DACH1: variants seen among roughly 807,000 people sequenced by gnomAD.
DACH1 encodes the protein dachshund family transcription factor 1.
DACH1 carries 12 observed loss-of-function variants against 54.2 expected under a neutral mutation model. The ratio of observed to expected loss-of-function variants is 0.22; its 90% CI spans 0.14 to 0.36. DACH1 has a LOEUF of 0.36. Ranked by LOEUF, DACH1 falls within the 10% of genes least tolerant of loss-of-function variation. The probability of loss-of-function intolerance (pLI) is 1.00; values close to 1 mark genes in which losing one functional copy is unlikely to be tolerated. For missense variants in DACH1, 805 were observed against 929.8 expected, an observed-to-expected ratio of 0.87 and a Z score of 1.75; for synonymous variants, 386 against 366.2, an observed-to-expected ratio of 1.05 and a Z score of -0.62.
intron 10 of DACH1, among the ~76,000 whole-genome samples, chr13:71,447,799 C>T (rs1285883622): frequency 1.3e-5 from 2 of 150,094 alleles, no homozygotes; most frequent in African/African-American, 4.9e-5. Flanking sequence ...CGCCACCACA[C>T]TCCAGCCTGG....
At chr13:71,844,021 A>T (rs1456389838) in intron 1 of DACH1, among the ~76,000 whole-genome samples, 1 of 152,196 alleles carries the variant, frequency 6.6e-6, no homozygotes, top group Non-Finnish European at 1.5e-5. Context: ...TTAAGACAGA[A>T]GTCTCTAGGG....
chr13:71,623,322 T>A (rs1876384504), intron 3 of DACH1, among the ~76,000 whole-genome samples: 1 of 151,672 alleles, frequency 6.6e-6, no homozygotes, highest in Admixed American at 6.6e-5. Flanking sequence ...CAGTTATTAA[T>A]ATACTCATAT....
intron 1 of DACH1, among the ~76,000 whole-genome samples, chr13:71,697,955 A>G (rs1473955933): frequency 6.6e-6 from 1 of 152,254 alleles, no homozygotes; most frequent in Non-Finnish European, 1.5e-5. Context: ...ATACTTTATA[A>G]GAATGACATT....
intron 3 of DACH1, among the ~76,000 whole-genome samples, chr13:71,592,110 C>G (rs193274693): frequency 2.0e-5 from 3 of 152,140 alleles, no homozygotes; most frequent in South Asian, 2.1e-4. Flanking sequence ...TAGCAACAAT[C>G]AAAGAGAAGG....
intron 10 of DACH1, among the ~76,000 whole-genome samples, chr13:71,473,116 A>C (rs1174024209): frequency 6.6e-6 from 1 of 152,208 alleles, no homozygotes; most frequent in Non-Finnish European, 1.5e-5. Flanking sequence ...AATTTGGGAA[A>C]AGTCATATTA....
chr13:71,504,644 T>G (rs901701974), intron 6 of DACH1, among the ~76,000 whole-genome samples: 4 of 152,152 alleles, frequency 2.6e-5, no homozygotes, highest in Non-Finnish European at 4.4e-5. Context: ...CTCAGAATGT[T>G]CAGGAGAAGG....
chr13:71,556,944 T>C, intron 6 of DACH1, 80 bp downstream of exon 6: 5 of 1,377,878 alleles, frequency 3.6e-6, no homozygotes, highest in Non-Finnish European at 4.9e-6. Flanking sequence ...GATGTAGAGA[T>C]AGACTTCATT....
intron 10 of DACH1, among the ~76,000 whole-genome samples, chr13:71,470,330 A>C (rs1161417247): frequency 1.4e-5 from 2 of 147,018 alleles, no homozygotes; most frequent in African/African-American, 2.5e-5. Flanking sequence ...TTTTTTTGAG[A>C]CAGAGTCTCG....
intron 1 of DACH1, among the ~76,000 whole-genome samples, chr13:71,693,363 T>C (rs1001050448): frequency 7.0e-6 from 1 of 142,274 alleles, no homozygotes; most frequent in Admixed American, 7.3e-5. Context: ...AGTGCAGTGG[T>C]GTGATCTCGG....
At chr13:71,610,414 T>C (rs1327970522) in intron 3 of DACH1, among the ~76,000 whole-genome samples, 3 of 152,140 alleles carry the variant, frequency 2.0e-5, no homozygotes, top group Non-Finnish European at 4.4e-5. Context: ...AGCAAAGAAG[T>C]GGGAAAATCT....
intron 1 of DACH1, among the ~76,000 whole-genome samples, chr13:71,692,356 C>A (rs1339335381): frequency 6.6e-6 from 1 of 151,920 alleles, no homozygotes; most frequent in Non-Finnish European, 1.5e-5. Context: ...TCTTCTCTGT[C>A]TGTACTGTCT....
At chr13:71,495,000 T>C (rs533886292) in intron 6 of DACH1, among the ~76,000 whole-genome samples, 17 of 152,164 alleles carry the variant, frequency 1.1e-4, no homozygotes, top group African/African-American at 4.1e-4. Context: ...TTCCTGTTAA[T>C]AAAATCTAAC....
intron 10 of DACH1, among the ~76,000 whole-genome samples, chr13:71,452,396 G>A (rs1875142577): frequency 6.6e-6 from 1 of 151,976 alleles, no homozygotes; most frequent in Admixed American, 6.6e-5. Context: ...CCAAACTGCT[G>A]GGATTAAAGA....
In DACH1 at chr13:71,553,412, C is replaced by T; in HGVS notation, c.1570+3612G>A. On this transcript the variant is annotated intron_variant, in intron 6 of 10. Coordinates refer to ENST00000613252, the MANE Select transcript of DACH1 (RefSeq NM_080759.6). ...CATATATCCATATATGTATATTAGA[C>T]ATATATCCATATATGTATATTAGAC... 1.7e-5 allele frequency among the ~76,000 whole-genome samples: 2 copies of T among 117,844 alleles called. 1 individual carries two copies. The highest frequency in any genetic ancestry group is 6.0e-4 in the South Asian group (2 of 3,346). 77.3% of individuals were successfully genotyped at this position (117,844 alleles called of 152,430 possible). A position where few individuals can be genotyped will look rare whatever the true frequency, so the allele number is the denominator to read the frequency against.
chr13:71,685,468 T>G (rs1881113178), intron 1 of DACH1, among the ~76,000 whole-genome samples: 1 of 152,170 alleles, frequency 6.6e-6, no homozygotes, highest in African/African-American at 2.4e-5. Context: ...TCACTTATTC[T>G]TTTGCCTAAG....
At position 71,866,312 on chromosome 13, in the gene DACH1, C is replaced by CTGCTGA; in HGVS notation, c.457_458insTCAGCA (p.Ser152_Ser153insIleSer). 1 of 1,478,352 alleles carries CTGCTGA rather than the reference C, an allele frequency of 6.8e-7. No individual in the cohort carries two copies. Among genetic ancestry groups the CTGCTGA allele is most frequent in the Non-Finnish European group, 9.1e-7 (1 of 1,098,956 alleles). The allele number at this position is 1,478,352 out of a possible 1,614,324, so 91.6% of individuals were successfully genotyped here. A position where few individuals can be genotyped will look rare whatever the true frequency, so the allele number is the denominator to read the frequency against. ...GCTGCTACTGCTGCTGCTGCTACTA[C>CTGCTGA]TGCTGCTGCTGCTGCTGCTGCTACT... On this transcript the variant is annotated inframe_insertion, in exon 1 of 11. Coordinates refer to ENST00000613252, the MANE Select transcript of DACH1 (RefSeq NM_080759.6).
intron 1 of DACH1, among the ~76,000 whole-genome samples, chr13:71,831,942 A>C (rs902184686): frequency 6.6e-6 from 1 of 151,966 alleles, no homozygotes; most frequent in South Asian, 2.1e-4. Flanking sequence ...GTGATTTATA[A>C]TCTTGTGAAA....
At chr13:71,471,624 C>T (rs1325504921) in intron 10 of DACH1, among the ~76,000 whole-genome samples, 5 of 151,614 alleles carry the variant, frequency 3.3e-5, no homozygotes, top group East Asian at 3.9e-4. Flanking sequence ...TGGTGGTGCA[C>T]GCCCGTAGTC....
In DACH1 at chr13:71,440,554, A is replaced by C; in HGVS notation, c.*101T>G. 6 of 891,158 alleles carry C rather than the reference A, an allele frequency of 6.7e-6. No individual in the cohort carries two copies. Among genetic ancestry groups the C allele is most frequent in the Non-Finnish European group, 1.1e-5 (6 of 567,660 alleles). 55.2% of individuals were successfully genotyped at this position (891,158 alleles called of 1,614,324 possible). On this transcript the variant is annotated 3_prime_UTR_variant, in exon 11 of 11. Transcript: ENST00000613252. ...GAACATTAATACACAAAATTCAGGAAGTTCCCTTAAAAGGACTTTATTTTT... is the reference window on the plus strand; with the variant it reads ...GAACATTAATACACAAAATTCAGGACGTTCCCTTAAAAGGACTTTATTTTT...
Sources: allele counts gnomAD v4.1 joint callset (sites outside exome capture counted in the v4.1 genomes callset), GRCh38; gene constraint gnomAD v4.1.1; transcripts MANE v1.5; gene names NCBI Gene and HGNC (gene_info 2026-07-23, HGNC 2026-07-21).